KIDINS220: variants seen among roughly 807,000 people sequenced by gnomAD.
The protein encoded by KIDINS220 is kinase D-interacting substrate of 220 kDa.
A neutral mutation model predicts 157.6 loss-of-function variants in KIDINS220; 63 were observed. The observed-to-expected ratio is 0.40, with a 90% confidence interval of 0.33 to 0.49. KIDINS220 has a LOEUF of 0.49. Among genes scored for constraint, KIDINS220 ranks in the 20% least tolerant of loss-of-function variants. KIDINS220 has a pLI of 0.66. For synonymous variants in KIDINS220, 732 were observed against 783.6 expected, an observed-to-expected ratio of 0.93 and a Z score of 1.10; for missense variants, 1,772 against 2,171.2, an observed-to-expected ratio of 0.82 and a Z score of 3.65.
intron 21 of KIDINS220, among the ~76,000 whole-genome samples, chr2:8,775,253 G>T (rs1297672251): frequency 1.3e-5 from 2 of 152,202 alleles, no homozygotes; most frequent in Non-Finnish European, 2.9e-5. Flanking sequence ...AGCAACTGAA[G>T]AGCTATAGGG....
intron 6 of KIDINS220, among the ~76,000 whole-genome samples, chr2:8,808,253 T>G (rs1166921416): frequency 6.6e-6 from 1 of 152,236 alleles, no homozygotes; most frequent in African/African-American, 2.4e-5. Context: ...TTACTCTGGC[T>G]AAAATGCCTT....
intron 6 of KIDINS220, among the ~76,000 whole-genome samples, chr2:8,811,239 C>G (rs898374502): frequency 1.3e-5 from 2 of 151,806 alleles, no homozygotes; most frequent in Non-Finnish European, 2.9e-5. Flanking sequence ...TATGACTATC[C>G]CCACAATGTG....
At chr2:8,776,600 A>ACCC (rs1336230945) in intron 21 of KIDINS220, 148 bp downstream of exon 21, 6 of 511,832 alleles carry the variant, frequency 1.2e-5, no homozygotes, top group Non-Finnish European at 1.6e-5. Flanking sequence ...ACTAAAACTG[A>ACCC]CTTCACTAAG....
intron 2 of KIDINS220, among the ~76,000 whole-genome samples, chr2:8,819,254 A>G (rs1677548252): frequency 6.6e-6 from 1 of 152,236 alleles, no homozygotes; most frequent in South Asian, 2.1e-4. Flanking sequence ...GGTGCTATGT[A>G]TAATACACAT....
chr2:8,812,560 AG>A, intron 5 of KIDINS220, 67 bp from the exon 6 acceptor site: 1 of 768,518 alleles, frequency 1.3e-6, no homozygotes. Context: ...GAAAGGAAGG[AG>A]GGAGGGAGGG....
At chr2:8,820,125 G>A (rs1255827780) in intron 2 of KIDINS220, among the ~76,000 whole-genome samples, 4 of 152,260 alleles carry the variant, frequency 2.6e-5, no homozygotes, top group East Asian at 1.9e-4. Flanking sequence ...CCTGAGTGAC[G>A]CGGAGCAGGG....
In KIDINS220 at chr2:8,778,989, G is replaced by C. The variant is rs745935214; in HGVS notation, c.2521C>G (p.Pro841Ala). 1.2e-6 allele frequency: 2 copies of C among 1,613,966 alleles called. No individual in the cohort carries two copies. Among genetic ancestry groups the C allele is most frequent in the Non-Finnish European group, 1.7e-6 (2 of 1,179,996 alleles). The change falls in exon 19 of 30, where the codon CCT (proline) becomes GCT (alanine). Residue 841 changes from proline (P) to alanine (A), a missense_variant. By Grantham distance (27) the Pro-to-Ala change is conservative. Around this residue, in one of 3 missense-constraint regions of KIDINS220, gnomAD observed 725 missense variants for 1,017.1 expected, o/e 0.71. Coordinates refer to ENST00000256707, the MANE Select transcript of KIDINS220 (RefSeq NM_020738.4). ...AGTCCACGACTATTAAGGAACACAG[G>C]CAAGTGGACTATGTTGCGCATGTAG... ...HDYMRNIVHL[P>A]VFLNSRGLSN...
In KIDINS220 at chr2:8,729,028, C is replaced by G. The variant is rs1039840883; in HGVS notation, c.*1692G>C. ...TAAAGAATGTACTCCAATGATATTACGCGGCAACTACTCACCTGAAAAAGA... is the reference window on the plus strand; with the variant it reads ...TAAAGAATGTACTCCAATGATATTAGGCGGCAACTACTCACCTGAAAAAGA... On this transcript the variant is annotated 3_prime_UTR_variant, in exon 30 of 30. Coordinates refer to ENST00000256707, the MANE Select transcript of KIDINS220 (RefSeq NM_020738.4). 1.2e-5 allele frequency: 12 copies of G among 981,704 alleles called. No individual in the cohort carries two copies. The highest frequency in any genetic ancestry group is 8.8e-5 in the African/African-American group (5 of 57,106). The allele number at this position is 981,704 out of a possible 1,614,324, so 60.8% of individuals were successfully genotyped here.
At chr2:8,829,012 C>G (rs954502523) in intron 1 of KIDINS220, among the ~76,000 whole-genome samples, 1 of 152,114 alleles carries the variant, frequency 6.6e-6, no homozygotes, top group Non-Finnish European at 1.5e-5. Flanking sequence ...GGAGGCCTTG[C>G]GATGGAGTGA....
rs1679648608 is a variant in KIDINS220, at chr2:8,831,701, C to T, written c.-36-4572G>A. ...TCTTGCAGCAGGATCTGCTTTATAT[C>T]TAGCACAATGCCTACACAACAGGAG... On this transcript the variant is annotated intron_variant, in intron 1 of 29. Coordinates refer to ENST00000256707, the MANE Select transcript of KIDINS220 (RefSeq NM_020738.4). Among the ~76,000 whole-genome samples the T allele has an allele frequency of 7.2e-5, 11 of 152,224 alleles. No individual in the cohort carries two copies. In the South Asian group the frequency reaches 2.3e-3, roughly 31 times the overall value.
intron 26 of KIDINS220, 37 bp from the exon 27 acceptor site, chr2:8,737,036 C>A: frequency 6.2e-7 from 1 of 1,604,134 alleles, no homozygotes; most frequent in Non-Finnish European, 8.5e-7. Flanking sequence ...TATGAATAAG[C>A]ATTTAATGCC....
intron 22 of KIDINS220, among the ~76,000 whole-genome samples, chr2:8,755,711 TCC>T (rs1186632157): frequency 6.6e-6 from 1 of 152,252 alleles, no homozygotes; most frequent in Admixed American, 6.5e-5. Flanking sequence ...AATCTAGTTA[TCC>T]CAGCCCCACT....
At chr2:8,749,286 C>T in intron 24 of KIDINS220, 1 of 374,844 alleles carries the variant, frequency 2.7e-6, no homozygotes, top group South Asian at 2.0e-5. Flanking sequence ...AGTTTAGGCA[C>T]TAGGCTTCTA....
intron 26 of KIDINS220, chr2:8,746,408 T>G (rs1666576945): frequency 6.6e-6 from 1 of 151,830 alleles, no homozygotes; most frequent in South Asian, 2.1e-4. Context: ...GCCTGGCCAC[T>G]TACATAGTAA....
chr2:8,796,989 C>A (rs528056991), intron 10 of KIDINS220, 120 bp from the exon 11 acceptor site: 5 of 753,610 alleles, frequency 6.6e-6, no homozygotes, highest in South Asian at 1.6e-5. Flanking sequence ...AAAACCCTCT[C>A]AAGAAAACAT....
Position 8,731,896 on chromosome 2 carries a change from C to G in KIDINS220, c.4140G>C (p.Gln1380His), listed in dbSNP as rs761449023. ...CTCTATAGGCATCTCTATACTCGGC[C>G]TGCACCTTATCAGTAAGCTTTGAAA... ...IEISKLTDKV[Q>H]AEYRDAYREY... Residue 1380 changes from glutamine to histidine, a missense_variant, in exon 30 of 30, where the codon CAG (glutamine) becomes CAC (histidine). Coordinates refer to ENST00000256707, the MANE Select transcript of KIDINS220 (RefSeq NM_020738.4). The surrounding 1 kb of genome is among the most constrained non-coding windows in gnomAD (Gnocchi z 5.2). 1 of 1,613,942 alleles carries G rather than the reference C, an allele frequency of 6.2e-7. No individual in the cohort carries two copies. The highest frequency in any genetic ancestry group is 1.7e-5 in the Admixed American group (1 of 60,004).
At chr2:8,801,649 A>C (rs1324506238) in intron 8 of KIDINS220, among the ~76,000 whole-genome samples, 2 of 152,238 alleles carry the variant, frequency 1.3e-5, no homozygotes, top group Admixed American at 1.3e-4. Flanking sequence ...TTATGCCTGT[A>C]ATCTCACCAC....
At chr2:8,820,991 C>G (rs932318038) in intron 2 of KIDINS220, among the ~76,000 whole-genome samples, 29 of 152,114 alleles carry the variant, frequency 1.9e-4, no homozygotes, top group African/African-American at 7.0e-4. Context: ...CCTGAGAATA[C>G]ATCAATTTTA....
intron 4 of KIDINS220, among the ~76,000 whole-genome samples, chr2:8,813,888 C>T (rs1397419531): frequency 1.3e-5 from 2 of 152,064 alleles, no homozygotes; most frequent in African/African-American, 2.4e-5. Context: ...CGCGCCACTG[C>T]ACTCCAGCAC....
Sources: allele counts gnomAD v4.1 joint callset (sites outside exome capture counted in the v4.1 genomes callset), GRCh38; gene constraint gnomAD v4.1.1; regional missense constraint gnomAD v4.1.1; non-coding constraint Gnocchi (gnomAD v3.1); transcripts MANE v1.5; gene names NCBI Gene and HGNC (gene_info 2026-07-23, HGNC 2026-07-21).